NRXN3: variants seen among roughly 807,000 people sequenced by gnomAD.
NRXN3 encodes the protein neurexin III.
In NRXN3, 32 loss-of-function variants were observed where a neutral mutation model predicts 137.6. The ratio of observed to expected loss-of-function variants is 0.23; its 90% CI spans 0.18 to 0.31. The LOEUF is 0.31. Ranked by LOEUF, NRXN3 falls within the 10% of genes least tolerant of loss-of-function variation. The pLI, the probability that NRXN3 is intolerant of heterozygous loss-of-function variation, is 1.00. For synonymous variants in NRXN3, 798 were observed against 784.5 expected, an observed-to-expected ratio of 1.02 and a Z score of -0.29; for missense variants, 1,574 against 2,062.5, an observed-to-expected ratio of 0.76 and a Z score of 4.59.
intron 15 of NRXN3, among the ~76,000 whole-genome samples, chr14:79,336,072 T>C (rs916546823): frequency 1.3e-5 from 2 of 152,142 alleles, no homozygotes; most frequent in African/African-American, 4.8e-5. Context: ...TGGTCAGGAA[T>C]GTATTAAAAG....
At chr14:78,471,694 A>G (rs1472089857) in intron 4 of NRXN3, among the ~76,000 whole-genome samples, 15 of 152,314 alleles carry the variant, frequency 9.8e-5, no homozygotes, top group Admixed American at 6.5e-5. Context: ...GGTAATGGTA[A>G]TATCCAGGCA....
chr14:79,151,780 C>T (rs1293664452), intron 15 of NRXN3, among the ~76,000 whole-genome samples: 3 of 151,912 alleles, frequency 2.0e-5, no homozygotes, highest in Non-Finnish European at 4.4e-5. Context: ...AGACAATTGT[C>T]CCAGAGTGCA....
intron 8 of NRXN3, among the ~76,000 whole-genome samples, chr14:78,790,528 G>T (rs1343806931): frequency 1.3e-5 from 2 of 152,196 alleles, no homozygotes; most frequent in African/African-American, 4.8e-5. Flanking sequence ...TACAGATTTA[G>T]AACCTGGCAG....
At chr14:78,527,462 C>A (rs1161249724) in intron 4 of NRXN3, among the ~76,000 whole-genome samples, 1 of 152,172 alleles carries the variant, frequency 6.6e-6, no homozygotes, top group East Asian at 1.9e-4. Flanking sequence ...TTCATGAGAA[C>A]TCCACTCCCA....
At chr14:79,339,889 G>A (rs554125660) in intron 15 of NRXN3, among the ~76,000 whole-genome samples, 1 of 152,260 alleles carries the variant, frequency 6.6e-6, no homozygotes, top group African/African-American at 2.4e-5. Flanking sequence ...TAGGTAAAAT[G>A]CATACAATTA....
At chr14:79,615,107 A>G (rs1370683856) in intron 16 of NRXN3, among the ~76,000 whole-genome samples, 4 of 152,196 alleles carry the variant, frequency 2.6e-5, no homozygotes, top group Admixed American at 1.3e-4. Context: ...AAAGATAACA[A>G]GAGATTAGCC....
chr14:78,610,125 G>A (rs979001070), intron 4 of NRXN3, among the ~76,000 whole-genome samples: 2 of 152,062 alleles, frequency 1.3e-5, no homozygotes, highest in African/African-American at 4.8e-5. Context: ...GAAGAGTTTT[G>A]TCAAGTATCT....
chr14:79,655,578 C>T (rs549566823), intron 16 of NRXN3, among the ~76,000 whole-genome samples: 13 of 152,088 alleles, frequency 8.5e-5, no homozygotes, highest in African/African-American at 3.1e-4. Context: ...GAATGTTTTT[C>T]TTTTTTTTCA....
At chr14:79,120,085 ATGT>A (rs1037262806) in intron 15 of NRXN3, among the ~76,000 whole-genome samples, 42 of 152,234 alleles carry the variant, frequency 2.8e-4, no homozygotes, top group African/African-American at 1.0e-3. Context: ...ATGAAGAGTG[ATGT>A]TGTTGTTAGC....
At chr14:79,697,026 A>G (rs1207259447) in intron 18 of NRXN3, among the ~76,000 whole-genome samples, 1 of 151,986 alleles carries the variant, frequency 6.6e-6, no homozygotes, top group Non-Finnish European at 1.5e-5. Flanking sequence ...ATTATGCCCA[A>G]TGAAGATTTA....
intron 1 of NRXN3, among the ~76,000 whole-genome samples, chr14:78,209,221 G>A (rs2062502629): frequency 6.6e-6 from 1 of 152,164 alleles, no homozygotes; most frequent in Non-Finnish European, 1.5e-5. Flanking sequence ...AGACCTTGGT[G>A]GGCAGGACTG....
intron 15 of NRXN3, among the ~76,000 whole-genome samples, chr14:79,155,644 G>T (rs2060194612): frequency 6.6e-6 from 1 of 151,542 alleles, no homozygotes; most frequent in Admixed American, 6.6e-5. Flanking sequence ...AAATTATGTT[G>T]TTATATTTTA....
chr14:79,329,789 C>T (rs1168894454), intron 15 of NRXN3, among the ~76,000 whole-genome samples: 1 of 151,622 alleles, frequency 6.6e-6, no homozygotes, highest in Non-Finnish European at 1.5e-5. Context: ...ATATTTTCCT[C>T]TAGTTGATAA....
chr14:78,863,005 G>A lies in NRXN3; in HGVS notation c.2275+52661G>A, dbSNP rs567235514. On this transcript the variant is annotated intron_variant, in intron 10 of 20. Coordinates refer to ENST00000335750, the MANE Select transcript of NRXN3 (RefSeq NM_001330195.2). ...ATTTAAATTAATGGAAATTGCTGTT[G>A]ATGAAACCCTCTAGAGGATAATACA... 2.6e-5 allele frequency among the ~76,000 whole-genome samples: 4 copies of A among 152,230 alleles called. No individual in the cohort carries two copies. In the South Asian group the frequency reaches 6.2e-4, roughly 24 times the overall value.
intron 6 of NRXN3, among the ~76,000 whole-genome samples, chr14:78,661,414 T>C (rs944917627): frequency 6.6e-6 from 1 of 152,240 alleles, no homozygotes; most frequent in African/African-American, 2.4e-5. Context: ...GCAAGAGCTA[T>C]CAAGCTATTA....
At chr14:79,818,352 C>CG (rs1294735919) in intron 20 of NRXN3, among the ~76,000 whole-genome samples, 1 of 152,162 alleles carries the variant, frequency 6.6e-6, no homozygotes, top group African/African-American at 2.4e-5. Context: ...CGCGCCCGGC[C>CG]GCACTTGGGG....
chr14:79,709,618 A>G (rs1264590969), intron 19 of NRXN3, among the ~76,000 whole-genome samples: 2 of 152,188 alleles, frequency 1.3e-5, no homozygotes, highest in African/African-American at 4.8e-5. Flanking sequence ...TAAGCAGTAT[A>G]AATGTATAAA....
At chr14:78,502,691 T>A (rs1599564545) in intron 4 of NRXN3, among the ~76,000 whole-genome samples, 1 of 152,238 alleles carries the variant, frequency 6.6e-6, no homozygotes, top group Non-Finnish European at 1.5e-5. Context: ...TTAGCTACTT[T>A]GATATGATAT....
intron 4 of NRXN3, among the ~76,000 whole-genome samples, chr14:78,450,147 G>A (rs946513130): frequency 2.0e-5 from 3 of 152,190 alleles, no homozygotes; most frequent in African/African-American, 7.2e-5. Flanking sequence ...CTGTGCAAAT[G>A]ACTGGGTATA....
Sources: gnomAD v4.1 joint callset for allele counts (sites outside exome capture counted in the v4.1 genomes callset) on GRCh38, gnomAD v4.1.1 for gene constraint, MANE v1.5 for transcripts, NCBI Gene and HGNC (gene_info 2026-07-23, HGNC 2026-07-21) for gene names.